TAMM41: variants seen among roughly 807,000 people sequenced by gnomAD.
TAMM41 encodes TAM41 mitochondrial translocator assembly and maintenance homolog, also known as phosphatidate cytidylyltransferase, mitochondrial.
TAMM41 carries 36 observed loss-of-function variants against 44.1 expected under a neutral mutation model. That is an observed-to-expected ratio of 0.82 (90% CI 0.63 to 1.08). TAMM41 has a LOEUF of 1.08. Among genes scored for constraint, TAMM41 ranks in the 50% least tolerant of loss-of-function variants. The probability of loss-of-function intolerance (pLI) is 0.00; values close to 1 mark genes in which losing one functional copy is unlikely to be tolerated. For synonymous variants in TAMM41, 164 were observed against 153.1 expected, an observed-to-expected ratio of 1.07 and a Z score of -0.53; for missense variants, 417 against 404.3, an observed-to-expected ratio of 1.03 and a Z score of -0.27.
chr3:11,740,365 A>AG, the TAMM41 span, among the ~76,000 whole-genome samples: 1 of 152,084 alleles, frequency 6.6e-6, no homozygotes, highest in African/African-American at 2.4e-5. Context: ...GATGATACAG[A>AG]GGGGTCCCAT....
chr3:11,816,966 T>A (rs762942632), intron 5 of TAMM41: 1 of 454,762 alleles, frequency 2.2e-6, no homozygotes, highest in Non-Finnish European at 3.9e-6. Context: ...AACAAGTCCC[T>A]CTCCCACTTC....
At chr3:11,730,454 G>T in the TAMM41 span, among the ~76,000 whole-genome samples, 1 of 149,784 alleles carries the variant, frequency 6.7e-6, no homozygotes, top group Non-Finnish European at 1.5e-5. Context: ...AAAGAAATTG[G>T]CTGGGCGCGG....
the TAMM41 span, among the ~76,000 whole-genome samples, chr3:11,755,106 A>G: frequency 2.0e-5 from 3 of 152,072 alleles, no homozygotes; most frequent in Non-Finnish European, 4.4e-5. Flanking sequence ...CCCTGCCCTC[A>G]AATACAGGCC....
At chr3:11,769,038 C>G in the TAMM41 span, among the ~76,000 whole-genome samples, 6 of 152,170 alleles carry the variant, frequency 3.9e-5, no homozygotes, top group African/African-American at 1.4e-4. Flanking sequence ...TGAGCAGAGA[C>G]AGAGGGTGGA....
At chr3:11,802,438 A>G (rs1559272913) in intron 7 of TAMM41, among the ~76,000 whole-genome samples, 1 of 152,214 alleles carries the variant, frequency 6.6e-6, no homozygotes, top group Non-Finnish European at 1.5e-5. Flanking sequence ...ATGTCCACAA[A>G]CTAGAAAACC....
In TAMM41 at chr3:11,807,699, A is replaced by G. The variant is rs1031814784; in HGVS notation, c.937+134T>C. ...TTATGCCTGTTTGTACCTTACTGCA[A>G]TATCCCAGTTTATGGCCATCAAAGC... is the stretch of plus-strand genomic sequence containing the variant. On this transcript the variant is annotated intron_variant, in intron 7 of 7. Transcript: ENST00000455809. 1.8e-5 allele frequency: 28 copies of G among 1,536,308 alleles called. No individual in the cohort carries two copies. The African/African-American group carries it at 3.1e-4, about 17-fold the overall frequency.
the TAMM41 span, among the ~76,000 whole-genome samples, chr3:11,752,480 G>A: frequency 2.0e-5 from 3 of 152,040 alleles, no homozygotes; most frequent in Non-Finnish European, 4.4e-5. Context: ...TAGCCACTGA[G>A]CGCTGATTGG....
Position 11,846,521 on chromosome 3 carries a change from C to T in TAMM41, c.116G>A (p.Gly39Glu), listed in dbSNP as rs1559338572. The change falls in exon 1 of 8, where the codon GGG becomes GAG. Residue 39 changes from glycine (G) to glutamate (E), a missense_variant. Coordinates refer to ENST00000455809, the MANE Select transcript of TAMM41 (RefSeq NM_001284401.2). ...GCTCACCTTCTGGTCTGAACTCGGC[C>T]CTGCCTGGCGGTACACCCCGGAGCC... is the stretch of plus-strand genomic sequence containing the variant. ...VYGSGVYRQA[G>E]PSSDQKNAML... 6.2e-7 allele frequency: 1 copy of T among 1,614,202 alleles called. No individual in the cohort carries two copies. The highest frequency in any genetic ancestry group is 8.5e-7 in the Non-Finnish European group (1 of 1,180,042).
chr3:11,752,560 T>G, the TAMM41 span, among the ~76,000 whole-genome samples: 1 of 150,364 alleles, frequency 6.7e-6, no homozygotes, highest in Admixed American at 6.7e-5. Context: ...GACAGAAAAG[T>G]TCTCCAAGTC....
chr3:11,755,067 AG>A, the TAMM41 span, among the ~76,000 whole-genome samples: 1 of 151,564 alleles, frequency 6.6e-6, no homozygotes, highest in Non-Finnish European at 1.5e-5. Flanking sequence ...GCTCTTCCCT[AG>A]GGAGCTGCAG....
intron 5 of TAMM41, among the ~76,000 whole-genome samples, chr3:11,816,512 C>A (rs2078282630): frequency 2.0e-5 from 3 of 152,102 alleles, no homozygotes; most frequent in Admixed American, 2.0e-4. Context: ...CCCTATAATC[C>A]CAGTACTTTT....
At chr3:11,725,170 T>C in the TAMM41 span, among the ~76,000 whole-genome samples, 1 of 124,862 alleles carries the variant, frequency 8.0e-6, no homozygotes, top group South Asian at 3.3e-4. Flanking sequence ...TCCTCCCTCC[T>C]TGTTCTCTTC....
At chr3:11,771,562 T>G in the TAMM41 span, among the ~76,000 whole-genome samples, 1 of 152,026 alleles carries the variant, frequency 6.6e-6, no homozygotes, top group Admixed American at 6.6e-5. Flanking sequence ...AGTGGCCAGA[T>G]TTGTTTGTTT....
Position 11,805,538 on chromosome 3 carries a change from C to T in TAMM41, c.937+2295G>A, listed in dbSNP as rs558636640. On this transcript the variant is annotated intron_variant, in intron 7 of 7. Transcript: ENST00000455809. The stretch of plus-strand genomic sequence containing the variant: ...CCTCCCGCCCTGGCCTCCCAAAGTG[C>T]TGGGATTATAAGTGTGAGCCACCAT... 2.6e-5 allele frequency among the ~76,000 whole-genome samples: 4 copies of T among 152,292 alleles called. No homozygotes were observed. The East Asian group carries it at 7.7e-4, about 29-fold the overall frequency.
At chr3:11,750,187 T>A in the TAMM41 span, among the ~76,000 whole-genome samples, 3 of 152,178 alleles carry the variant, frequency 2.0e-5, no homozygotes, top group African/African-American at 7.2e-5. Flanking sequence ...TGAGCCACTG[T>A]GCCCAGTCGG....
At chr3:11,742,219 C>A in the TAMM41 span, among the ~76,000 whole-genome samples, 1 of 150,124 alleles carries the variant, frequency 6.7e-6, no homozygotes, top group African/African-American at 2.5e-5. Flanking sequence ...CTTTGTAACC[C>A]CACTCCCCTC....
At chr3:11,787,399 G>A (rs538203522), downstream of TAMM41, among the ~76,000 whole-genome samples, 1 of 152,124 alleles carries the variant, frequency 6.6e-6, no homozygotes, top group Non-Finnish European at 1.5e-5. Context: ...TCCAGTCCAG[G>A]GATGTTAGCA....
chr3:11,838,120 T>C (rs2125055269), intron 3 of TAMM41, among the ~76,000 whole-genome samples: 1 of 152,300 alleles, frequency 6.6e-6, no homozygotes, highest in African/African-American at 2.4e-5. Flanking sequence ...CTGCCTGTAC[T>C]CTGATCGTTC....
At chr3:11,793,663 C>T (rs1206004882) in intron 7 of TAMM41, among the ~76,000 whole-genome samples, 1 of 152,164 alleles carries the variant, frequency 6.6e-6, no homozygotes, top group Non-Finnish European at 1.5e-5. Flanking sequence ...CAGAAATGAA[C>T]CACTGCTACT....
Sources: allele counts gnomAD v4.1 joint callset (sites outside exome capture counted in the v4.1 genomes callset), GRCh38; gene constraint gnomAD v4.1.1; transcripts MANE v1.5; gene names NCBI Gene and HGNC (gene_info 2026-07-23, HGNC 2026-07-21).